Variants in PLCE1 observed in about 807,000 individuals in gnomAD.
PLCE1 encodes 1-phosphatidylinositol 4,5-bisphosphate phosphodiesterase epsilon-1.
In PLCE1, 119 loss-of-function variants were observed where a neutral mutation model predicts 242.8. That is an observed-to-expected ratio of 0.49 (90% CI 0.42 to 0.57). The LOEUF (loss-of-function observed/expected upper bound fraction) is 0.57, where lower values mean the gene tolerates loss of function less well. Among genes scored for constraint, PLCE1 ranks in the 20% least tolerant of loss-of-function variants. The pLI, the probability that PLCE1 is intolerant of heterozygous loss-of-function variation, is 0.00. For synonymous variants in PLCE1, 945 were observed against 1,017.4 expected (o/e 0.93, Z 1.35); for missense variants, 2,441 against 2,788.8 (o/e 0.88, Z 2.81).
chr10:94,031,075 T>A lies in PLCE1; in HGVS notation c.29T>A (p.Val10Asp). 2 of 1,613,722 alleles carry A rather than the reference T, an allele frequency of 1.2e-6. No homozygotes were observed. The highest frequency in any genetic ancestry group is 1.7e-6 in the Non-Finnish European group (2 of 1,179,688). Residue 10 changes from valine (V) to aspartate (D), a missense_variant, in exon 2 of 33, where the codon GTT becomes GAT. Val to Asp is a radical substitution (Grantham distance 152). Around this residue, in one of 5 missense-constraint regions of PLCE1, gnomAD observed 393 missense variants for 378.5 expected, o/e 1.04. Coordinates refer to ENST00000371380, the MANE Select transcript of PLCE1 (RefSeq NM_016341.4). Reference protein sequence around the residue: MTSEEMTASVLIPVTQRKVV... With the variant: MTSEEMTASDLIPVTQRKVV... ...ACTTCTGAAGAAATGACAGCTTCTG[T>A]TCTCATACCTGTGACTCAGAGAAAA...
chr10:94,045,021 G>A (rs926062463), intron 2 of PLCE1, among the ~76,000 whole-genome samples: 2 of 151,988 alleles, frequency 1.3e-5, no homozygotes, highest in African/African-American at 2.4e-5. Context: ...TTTCTTTAGA[G>A]ACAGGGTCTT....
At chr10:94,010,281 G>A (rs1456522752) in intron 1 of PLCE1, among the ~76,000 whole-genome samples, 1 of 152,220 alleles carries the variant, frequency 6.6e-6, no homozygotes, top group Non-Finnish European at 1.5e-5. Flanking sequence ...CGTGTCCTGA[G>A]GCTAAACATG....
intron 2 of PLCE1, among the ~76,000 whole-genome samples, chr10:94,126,984 A>G (rs1236514112): frequency 6.6e-6 from 1 of 152,182 alleles, no homozygotes; most frequent in Non-Finnish European, 1.5e-5. Flanking sequence ...AGTTAGAGAA[A>G]TCTGGGTTTC....
intron 4 of PLCE1, among the ~76,000 whole-genome samples, chr10:94,193,314 A>C (rs1390299514): frequency 6.6e-6 from 1 of 152,178 alleles, no homozygotes; most frequent in Non-Finnish European, 1.5e-5. Flanking sequence ...GGATTAGGTA[A>C]TGCCTATTGG....
intron 4 of PLCE1, among the ~76,000 whole-genome samples, chr10:94,181,482 A>G (rs947473338): frequency 6.6e-6 from 1 of 152,054 alleles, no homozygotes; most frequent in African/African-American, 2.4e-5. Flanking sequence ...AGGCTGAGGC[A>G]GGAGAATGGC....
At chr10:93,998,278 TAGG>T (rs1175592418) in intron 1 of PLCE1, among the ~76,000 whole-genome samples, 5 of 152,228 alleles carry the variant, frequency 3.3e-5, no homozygotes, top group African/African-American at 9.6e-5. Context: ...CTCCTTTGAG[TAGG>T]AGGAGATGTT....
chr10:94,281,142 A>G (rs998634379), intron 20 of PLCE1, among the ~76,000 whole-genome samples: 3 of 152,210 alleles, frequency 2.0e-5, no homozygotes, highest in African/African-American at 7.2e-5. Context: ...ATTCTTCCCC[A>G]TGGTTTTCTT....
chr10:94,021,318 G>A (rs1019837935), intron 1 of PLCE1, among the ~76,000 whole-genome samples: 2 of 146,174 alleles, frequency 1.4e-5, no homozygotes, highest in African/African-American at 2.5e-5. Context: ...TGCTTTTAGT[G>A]TCTTAAGAAA....
intron 14 of PLCE1, among the ~76,000 whole-genome samples, chr10:94,263,513 CAAA>C (rs780289280): frequency 1.0e-4 from 8 of 76,832 alleles, no homozygotes; most frequent in Admixed American, 1.5e-4. Context: ...GACCCCATCT[CAAA>C]AAAAAAAAAA....
At chr10:94,131,666 T>C (rs555775548) in intron 2 of PLCE1, among the ~76,000 whole-genome samples, 1 of 152,218 alleles carries the variant, frequency 6.6e-6, no homozygotes, top group South Asian at 2.1e-4. Context: ...CAGCTGACAG[T>C]TTGAAGGATT....
At chr10:94,004,037 C>T (rs2060987440) in intron 1 of PLCE1, among the ~76,000 whole-genome samples, 2 of 151,950 alleles carry the variant, frequency 1.3e-5, no homozygotes, top group African/African-American at 4.8e-5. Flanking sequence ...ATCCTAGCTA[C>T]TTGGGAGGCC....
chr10:94,165,542 G>T (rs1271757612), intron 3 of PLCE1, among the ~76,000 whole-genome samples: 1 of 152,012 alleles, frequency 6.6e-6, no homozygotes, highest in African/African-American at 2.4e-5. Flanking sequence ...TTCCTATTCG[G>T]CTGTCTTGGC....
chr10:94,255,242 T>A (rs2132871417), intron 11 of PLCE1, among the ~76,000 whole-genome samples, 193 bp downstream of exon 11: 1 of 152,324 alleles, frequency 6.6e-6, no homozygotes, highest in South Asian at 2.1e-4. Context: ...CTCATATTAC[T>A]TCAAAGGTCA....
chr10:94,221,906 C>T (rs1108446), intron 4 of PLCE1, among the ~76,000 whole-genome samples: 56,242 of 151,850 alleles, frequency 0.37, 10,737 homozygotes, highest in East Asian at 0.53. Flanking sequence ...AGAAACTTTT[C>T]GGCAGAAAGT....
At chr10:94,078,519 G>T (rs932041233) in intron 2 of PLCE1, among the ~76,000 whole-genome samples, 1 of 150,636 alleles carries the variant, frequency 6.6e-6, no homozygotes, top group Non-Finnish European at 1.5e-5. Context: ...ACAGAGTCTC[G>T]CTCTGTCACC....
intron 4 of PLCE1, among the ~76,000 whole-genome samples, chr10:94,180,810 C>T (rs1032419514): frequency 2.6e-5 from 4 of 152,234 alleles, no homozygotes; most frequent in African/African-American, 9.6e-5. Context: ...CTTACTTGCC[C>T]TTTCACCTTC....
chr10:94,106,912 T>TTCTCTCTCTCTCTCTC (rs771182277), intron 2 of PLCE1, among the ~76,000 whole-genome samples: 1,554 of 38,732 alleles, frequency 0.04, 324 homozygotes, highest in Admixed American at 0.071. Context: ...TGTCTCTTGT[T>TTCTCTCTCTCTCTCTC]TCTCTCTCTC....
At chr10:94,142,120 T>A (rs2046991046) in intron 3 of PLCE1, among the ~76,000 whole-genome samples, 2 of 152,302 alleles carry the variant, frequency 1.3e-5, no homozygotes, top group African/African-American at 2.4e-5. Context: ...CATTGGGTCA[T>A]CCTATTCAGG....
At chr10:94,266,907 A>G (rs921436162) in intron 16 of PLCE1, among the ~76,000 whole-genome samples, 2 of 152,216 alleles carry the variant, frequency 1.3e-5, no homozygotes, top group Non-Finnish European at 2.9e-5. Context: ...TTCTTAGAGC[A>G]GTGATTTTCA....
Sources: gnomAD v4.1 joint callset for allele counts (sites outside exome capture counted in the v4.1 genomes callset) on GRCh38, gnomAD v4.1.1 for gene constraint, gnomAD v4.1.1 regional missense constraint, MANE v1.5 for transcripts, NCBI Gene and HGNC (gene_info 2026-07-23, HGNC 2026-07-21) for gene names.